The following ANKS1B variants were observed in gnomAD, a reference collection of about 807,000 sequenced individuals.
The protein encoded by ANKS1B is ankyrin repeat and sterile alpha motif domain containing 1B.
ANKS1B carries 36 observed loss-of-function variants against 148.3 expected under a neutral mutation model. That is an observed-to-expected ratio of 0.24 (90% CI 0.19 to 0.32). The LOEUF is 0.32. Ranked by LOEUF, ANKS1B falls within the 10% of genes least tolerant of loss-of-function variation. The pLI, the probability that ANKS1B is intolerant of heterozygous loss-of-function variation, is 1.00. For missense variants in ANKS1B, 1,157 were observed against 1,542.6 expected, an observed-to-expected ratio of 0.75 and a Z score of 4.19; for synonymous variants, 542 against 560.8, an observed-to-expected ratio of 0.97 and a Z score of 0.47.
intron 15 of ANKS1B, among the ~76,000 whole-genome samples, chr12:99,123,255 G>C (rs532456973): frequency 6.6e-5 from 10 of 151,962 alleles, no homozygotes; most frequent in Non-Finnish European, 1.0e-4. Context: ...AGGAGAAAGT[G>C]CCTCTTGATA....
chr12:99,608,001 G>A (rs1049088191), intron 9 of ANKS1B, among the ~76,000 whole-genome samples: 2 of 151,962 alleles, frequency 1.3e-5, no homozygotes, highest in African/African-American at 2.4e-5. Flanking sequence ...ATGAGCCTAG[G>A]CAAAAATTCA....
At chr12:99,010,284 G>A (rs2099938543) in intron 17 of ANKS1B, among the ~76,000 whole-genome samples, 1 of 152,186 alleles carries the variant, frequency 6.6e-6, no homozygotes, top group Non-Finnish European at 1.5e-5. Context: ...TATAAAACAG[G>A]AGTAATATTG....
chr12:99,026,135 C>G (rs2099948606), intron 17 of ANKS1B, among the ~76,000 whole-genome samples: 2 of 152,106 alleles, frequency 1.3e-5, no homozygotes, highest in South Asian at 4.1e-4. Flanking sequence ...GTGTTTATTT[C>G]TTTTACCACC....
chr12:98,961,814 C>A (rs906727235), intron 17 of ANKS1B, among the ~76,000 whole-genome samples: 1 of 151,892 alleles, frequency 6.6e-6, no homozygotes, highest in African/African-American at 2.4e-5. Flanking sequence ...TTAGTCTATG[C>A]AATCAGTATT....
chr12:98,865,342 C>A (rs1244827074), intron 17 of ANKS1B, among the ~76,000 whole-genome samples: 2 of 152,178 alleles, frequency 1.3e-5, no homozygotes, highest in Non-Finnish European at 2.9e-5. Flanking sequence ...CATTCATCTG[C>A]CCAAGCTGGA....
At chr12:99,983,828 C>T (rs2095744277) in intron 1 of ANKS1B, among the ~76,000 whole-genome samples, 1 of 152,082 alleles carries the variant, frequency 6.6e-6, no homozygotes, top group South Asian at 2.1e-4. Context: ...CTTCAAGCAA[C>T]ACTAGTACAT....
intron 17 of ANKS1B, among the ~76,000 whole-genome samples, chr12:98,982,780 A>G (rs2099913411): frequency 6.6e-6 from 1 of 152,224 alleles, no homozygotes; most frequent in Non-Finnish European, 1.5e-5. Context: ...TTGTATGAAT[A>G]TACATAATTC....
At chr12:99,052,308 A>C (rs151141791) in intron 17 of ANKS1B, among the ~76,000 whole-genome samples, 19 of 152,368 alleles carry the variant, frequency 1.2e-4, no homozygotes, top group African/African-American at 4.6e-4. Context: ...AAGTGTATGA[A>C]TAAAACAGAG....
At chr12:99,483,203 T>C (rs1274010171) in intron 10 of ANKS1B, among the ~76,000 whole-genome samples, 1 of 151,876 alleles carries the variant, frequency 6.6e-6, no homozygotes. Flanking sequence ...AGAGTTTTTA[T>C]CACAAAAGTA....
At chr12:99,569,543 C>T (rs1172927128) in intron 9 of ANKS1B, among the ~76,000 whole-genome samples, 1 of 152,184 alleles carries the variant, frequency 6.6e-6, no homozygotes, top group Non-Finnish European at 1.5e-5. Flanking sequence ...ACAGACTTTC[C>T]TGTTAAGAAT....
At chr12:99,165,735 T>C (rs868010508) in intron 14 of ANKS1B, among the ~76,000 whole-genome samples, 10 of 152,010 alleles carry the variant, frequency 6.6e-5, no homozygotes, top group South Asian at 6.2e-4. Context: ...ACACAAACTC[T>C]TCCAGAAAGT....
chr12:98,920,587 A>G (rs902713902), intron 17 of ANKS1B, among the ~76,000 whole-genome samples: 10 of 152,220 alleles, frequency 6.6e-5, no homozygotes, highest in African/African-American at 1.9e-4. Context: ...CACTATCACG[A>G]GAACAGCACG....
chr12:99,014,551 C>T (rs539363265), intron 17 of ANKS1B, among the ~76,000 whole-genome samples: 11 of 152,204 alleles, frequency 7.2e-5, no homozygotes, highest in African/African-American at 2.6e-4. Context: ...AGAGCTTATG[C>T]ACAGCAAAAG....
rs759123091 is a variant in ANKS1B, at chr12:98,807,862, C to T, written c.3123G>A (p.Ala1041=). 3.1e-6 allele frequency: 5 copies of T among 1,613,180 alleles called. No homozygotes were observed. Among genetic ancestry groups the T allele is most frequent in the Non-Finnish European group, 8.5e-7 (1 of 1,179,612 alleles). Reference sequence around the variant, plus strand: ...ACCTTACATTATGAACCTGATGGATCGCTGAGAAAGGAAATCCTGCGTTCT... The same window carrying T: ...ACCTTACATTATGAACCTGATGGATTGCTGAGAAAGGAAATCCTGCGTTCT... ...TNQNAGFPFS[A]IHQVHNTGDW... The change falls in exon 20 of 27, where the codon GCG becomes GCA. Residue 1041 remains alanine, a synonymous_variant. Coordinates refer to ENST00000683438, the MANE Select transcript of ANKS1B (RefSeq NM_001352186.2).
At position 99,821,673 on chromosome 12, in the gene ANKS1B, T is replaced by C. The variant is rs563042670; in HGVS notation, c.215+3636A>G. On this transcript the variant is annotated intron_variant, in intron 2 of 26. Transcript: ENST00000683438. ...CCAATCTGAGAAAGAACAAGAAAAG[T>C]AGTATGCCTCAAATGAAAGGTCAGG... 7.1e-4 allele frequency among the ~76,000 whole-genome samples: 108 copies of C among 152,084 alleles called. No individual in the cohort carries two copies. In the South Asian group the frequency reaches 9.1e-3, roughly 13 times the overall value.
chr12:98,954,410 CA>C (rs2099858993), intron 17 of ANKS1B: 1 of 152,150 alleles, frequency 6.6e-6, no homozygotes, highest in Non-Finnish European at 1.5e-5. Flanking sequence ...GTAACCTCTT[CA>C]AAATTCAGGT....
At chr12:98,852,710 T>C (rs1407519291) in intron 17 of ANKS1B, among the ~76,000 whole-genome samples, 1 of 152,106 alleles carries the variant, frequency 6.6e-6, no homozygotes, top group Non-Finnish European at 1.5e-5. Flanking sequence ...GAGCCCACAT[T>C]AAAAACACGT....
intron 17 of ANKS1B, among the ~76,000 whole-genome samples, chr12:98,843,455 A>G (rs1156783775): frequency 3.3e-5 from 5 of 152,246 alleles, no homozygotes; most frequent in Admixed American, 6.5e-5. Flanking sequence ...GAAGCTGAGC[A>G]GGTGCTGGCA....
chr12:98,812,620 C>T (rs918496306), intron 19 of ANKS1B, among the ~76,000 whole-genome samples: 38 of 152,282 alleles, frequency 2.5e-4, no homozygotes, highest in African/African-American at 7.2e-4. Context: ...GTTGCCCAGG[C>T]TAGAGTGCAG....
Sources: gnomAD v4.1 joint callset for allele counts (sites outside exome capture counted in the v4.1 genomes callset) on GRCh38, gnomAD v4.1.1 for gene constraint, MANE v1.5 for transcripts, NCBI Gene and HGNC (gene_info 2026-07-23, HGNC 2026-07-21) for gene names.